The following DLG5 variants were observed in gnomAD, a reference collection of about 807,000 sequenced individuals.
DLG5 encodes disks large homolog 5.
A neutral mutation model predicts 189.8 loss-of-function variants in DLG5; 48 were observed. The observed-to-expected ratio is 0.25, with a 90% CI of 0.20 to 0.32. The LOEUF (loss-of-function observed/expected upper bound fraction) is 0.32, where lower values mean the gene tolerates loss of function less well. Among genes scored for constraint, DLG5 ranks in the 10% least tolerant of loss-of-function variants. The pLI is 1.00. For synonymous variants in DLG5, 1,016 were observed against 1,054.1 expected (o/e 0.96, Z 0.70); for missense variants, 2,160 against 2,544.7 (o/e 0.85, Z 3.25).
intron 20 of DLG5, 81 bp downstream of exon 20, chr10:77,816,470 T>TCTACTAAG: frequency 3.7e-6 from 6 of 1,600,288 alleles, no homozygotes; most frequent in Non-Finnish European, 5.1e-6. Context: ...CTAAGCCCCT[T>TCTACTAAG]CCCTGCAGAG....
At chr10:77,802,190 G>A (rs933674635) in intron 27 of DLG5, among the ~76,000 whole-genome samples, 1 of 152,196 alleles carries the variant, frequency 6.6e-6, no homozygotes, top group African/African-American at 2.4e-5. Context: ...AGAACTGTGG[G>A]AGGATAAACC....
chr10:77,854,847 G>C (rs749059304), intron 3 of DLG5, among the ~76,000 whole-genome samples: 4 of 152,074 alleles, frequency 2.6e-5, no homozygotes, highest in Non-Finnish European at 4.4e-5. Context: ...AAATTAGCCT[G>C]GTGTGGTGGC....
At chr10:77,870,610 G>C (rs1439868880) in intron 1 of DLG5, among the ~76,000 whole-genome samples, 1 of 152,146 alleles carries the variant, frequency 6.6e-6, no homozygotes, top group African/African-American at 2.4e-5. Context: ...CCTAAGCCCA[G>C]GGAAGTCAAG....
At chr10:77,816,902 C>T in intron 19 of DLG5, 105 bp downstream of exon 19, 1 of 1,435,334 alleles carries the variant, frequency 7.0e-7, no homozygotes, top group Non-Finnish European at 9.8e-7. Context: ...TTTTTACTGA[C>T]TGACTGAGAT....
chr10:77,817,534 G>A (rs1391586336), intron 18 of DLG5, among the ~76,000 whole-genome samples: 1 of 152,200 alleles, frequency 6.6e-6, no homozygotes, highest in Non-Finnish European at 1.5e-5. Context: ...CTAGCTGAGG[G>A]GTCACCTGAA....
chr10:77,893,298 G>A (rs1188295211), intron 1 of DLG5, among the ~76,000 whole-genome samples: 3 of 152,216 alleles, frequency 2.0e-5, no homozygotes, highest in African/African-American at 7.2e-5. Context: ...AAGCGGGACT[G>A]TCAGGGGACA....
chr10:77,865,850 T>C (rs541101429), intron 2 of DLG5, among the ~76,000 whole-genome samples: 1 of 152,158 alleles, frequency 6.6e-6, no homozygotes, highest in East Asian at 1.9e-4. Context: ...GAGTTGTGAG[T>C]AGGGCCAGGC....
chr10:77,805,661 T>G lies in DLG5; in HGVS notation c.5164+4A>C, dbSNP rs1841431243. 2 of 1,601,372 alleles carry G rather than the reference T, an allele frequency of 1.2e-6. No individual in the cohort carries two copies. The highest frequency in any genetic ancestry group is 1.7e-6 in the Non-Finnish European group (2 of 1,170,200). ...CCCACTGGAAAATGAGCTCAGCCAC[T>G]TGCCTTCAAAGAGTGGAATGGAGTC... On this transcript the variant is annotated splice_donor_region_variant and intron_variant, in intron 27 of 31. Coordinates refer to ENST00000372391, the MANE Select transcript of DLG5 (RefSeq NM_004747.4).
intron 1 of DLG5, among the ~76,000 whole-genome samples, chr10:77,917,705 G>C (rs112117869): frequency 1.4e-4 from 21 of 152,174 alleles, no homozygotes; most frequent in African/African-American, 5.1e-4. Context: ...GAGATGGATG[G>C]TGCTGATGTT....
intron 7 of DLG5, among the ~76,000 whole-genome samples, chr10:77,840,554 G>C (rs1209866856): frequency 2.0e-5 from 3 of 151,936 alleles, no homozygotes; most frequent in South Asian, 2.1e-4. Context: ...CACGTCTCTA[G>C]TAAAAATACA....
chr10:77,878,135 C>T lies in DLG5; in HGVS notation c.305-8938G>A, dbSNP rs1845164067. Among the ~76,000 whole-genome samples the T allele has an allele frequency of 2.0e-5, 3 of 152,234 alleles. No homozygotes were observed. In the South Asian group the frequency reaches 6.2e-4, roughly 31 times the overall value. On this transcript the variant is annotated intron_variant, in intron 1 of 31. Coordinates refer to ENST00000372391, the MANE Select transcript of DLG5 (RefSeq NM_004747.4). Reference sequence around the variant, plus strand: ...AGTCAGTAAATGGAGAAGAGGCTGCCTCCCTCCCACACAGGATGGAGCGCA... The same window carrying T: ...AGTCAGTAAATGGAGAAGAGGCTGCTTCCCTCCCACACAGGATGGAGCGCA...
rs532748276 is a variant in DLG5, at chr10:77,811,120, G to T, written c.4437C>A (p.Thr1479=). 1.4e-5 allele frequency: 23 copies of T among 1,612,192 alleles called. No individual in the cohort carries two copies. The highest frequency in any genetic ancestry group is 4.2e-6 in the Non-Finnish European group (5 of 1,179,976). ...PLMEQDEGPS[T]PPAKQSSSRI... ...TGGAGCTGCTCTGCTTGGCTGGGGG[G>T]GTGCTAGGCCCCTCGTCCTGCTCCA... The change falls in exon 23 of 32, where the codon ACC becomes ACA. Residue 1479 remains threonine (T), a synonymous_variant. Coordinates refer to ENST00000372391, the MANE Select transcript of DLG5 (RefSeq NM_004747.4).
chr10:77,874,903 C>T (rs1163732549), intron 1 of DLG5, among the ~76,000 whole-genome samples: 1 of 152,176 alleles, frequency 6.6e-6, no homozygotes, highest in Non-Finnish European at 1.5e-5. Flanking sequence ...ACAAGTCACA[C>T]AATCTACAAG....
intron 1 of DLG5, among the ~76,000 whole-genome samples, chr10:77,913,087 T>C (rs980464105): frequency 2.6e-5 from 4 of 152,100 alleles, no homozygotes; most frequent in Non-Finnish European, 4.4e-5. Flanking sequence ...CTAAAAAAAA[T>C]AAAAATAAAA....
chr10:77,939,819 C>T, the DLG5 span, among the ~76,000 whole-genome samples: 5 of 152,330 alleles, frequency 3.3e-5, no homozygotes, highest in African/African-American at 9.6e-5. Context: ...TAAGCAAACA[C>T]GGTCACATGA....
intron 1 of DLG5, among the ~76,000 whole-genome samples, chr10:77,889,851 A>C (rs992673799): frequency 1.7e-4 from 26 of 152,278 alleles, no homozygotes; most frequent in African/African-American, 6.0e-4. Flanking sequence ...AAGTATTTGG[A>C]AATGTGTGGA....
chr10:77,823,888 T>C (rs1403660955), intron 14 of DLG5, among the ~76,000 whole-genome samples: 1 of 152,084 alleles, frequency 6.6e-6, no homozygotes, highest in Non-Finnish European at 1.5e-5. Context: ...AGTGGCACAA[T>C]CACAACTCAC....
chr10:77,877,980 G>A (rs1381409685), intron 1 of DLG5, among the ~76,000 whole-genome samples: 3 of 152,214 alleles, frequency 2.0e-5, no homozygotes, highest in Non-Finnish European at 2.9e-5. Context: ...GACATCCCCC[G>A]GGGGCCATGT....
Position 77,794,137 on chromosome 10 carries a change from C to G in DLG5, c.5547-20G>C. 6.2e-7 allele frequency: 1 copy of G among 1,605,698 alleles called. No homozygotes were observed. The highest frequency in any genetic ancestry group is 8.5e-7 in the Non-Finnish European group (1 of 1,172,436). ...TGCTCCCTGTGGGGACAGCCAGACACCAGGCTGAGCACTGAGCCTCCTCCA... is the reference window on the plus strand; with the variant it reads ...TGCTCCCTGTGGGGACAGCCAGACAGCAGGCTGAGCACTGAGCCTCCTCCA... On this transcript the variant is annotated intron_variant, in intron 30 of 31. Coordinates refer to ENST00000372391, the MANE Select transcript of DLG5 (RefSeq NM_004747.4).
Sources: allele counts gnomAD v4.1 joint callset (sites outside exome capture counted in the v4.1 genomes callset), GRCh38; gene constraint gnomAD v4.1.1; transcripts MANE v1.5; gene names NCBI Gene and HGNC (gene_info 2026-07-23, HGNC 2026-07-21).